ZAN: variants seen among roughly 807,000 people sequenced by gnomAD.
The protein encoded by ZAN is zonadhesin (gene/pseudogene).
A neutral mutation model predicts 286.2 loss-of-function variants in ZAN; 260 were observed. That is an observed-to-expected ratio of 0.91 (90% CI 0.82 to 1.01). The LOEUF is 1.01. Among genes scored for constraint, ZAN ranks in the 50% least tolerant of loss-of-function variants. ZAN has a pLI of 0.00. For missense variants in ZAN, 3,410 were observed against 3,639.2 expected (o/e 0.94, Z 1.62); for synonymous variants, 1,368 against 1,417.5 (o/e 0.97, Z 0.79).
chr7:100,793,886 A>T lies in ZAN; in HGVS notation c.7854A>T (p.Gln2618His). 3.1e-6 allele frequency: 5 copies of T among 1,613,826 alleles called. No individual in the cohort carries two copies. Among genetic ancestry groups the T allele is most frequent in the Non-Finnish European group, 4.2e-6 (5 of 1,179,840 alleles). Residue 2618 changes from glutamine to histidine, a missense_variant, in exon 43 of 48, where the codon CAA (glutamine) becomes CAT (histidine). By Grantham distance (24) the Gln-to-His change is conservative. Coordinates refer to ENST00000613979, the MANE Select transcript of ZAN (RefSeq NM_003386.3). ...ACACCCTGCCCAGCATCCTGTGCCA[A>T]CCTGGCAGACCCCGGGGACTGCGAG... Reference protein sequence around the residue: ...LYDTLPSILCQPGRPRGLRGP... With the variant: ...LYDTLPSILCHPGRPRGLRGP...
At chr7:100,746,799 A>T in intron 8 of ZAN, 97 bp downstream of exon 8, 13 of 1,414,610 alleles carry the variant, frequency 9.2e-6, no homozygotes, top group Non-Finnish European at 1.3e-5. Flanking sequence ...GGGTCTAGGG[A>T]GGTCTGGAAT....
intron 45 of ZAN, among the ~76,000 whole-genome samples, chr7:100,795,904 T>TA (rs200546151): frequency 0.021 from 3,036 of 145,784 alleles, 99 homozygotes; most frequent in African/African-American, 0.07. Flanking sequence ...AGACTCCATC[T>TA]AAAAAAAAAT....
At chr7:100,790,878 C>CT (rs1811893857) in intron 39 of ZAN, 64 bp from the exon 40 acceptor site, 2 of 1,122,998 alleles carry the variant, frequency 1.8e-6, no homozygotes, top group Non-Finnish European at 2.4e-6. Flanking sequence ...GCAAGACTGT[C>CT]TAAAAAAAAA....
intron 44 of ZAN, among the ~76,000 whole-genome samples, 198 bp from the exon 45 acceptor site, chr7:100,794,998 G>C (rs1158057549): frequency 6.6e-6 from 1 of 151,924 alleles, no homozygotes; most frequent in Non-Finnish European, 1.5e-5. Flanking sequence ...AGGAAGAGAT[G>C]AAAGAGTTTC....
At chr7:100,768,111 T>C in intron 26 of ZAN, 100 bp downstream of exon 26, 1 of 1,372,860 alleles carries the variant, frequency 7.3e-7, no homozygotes. Context: ...TCTAAGTACT[T>C]GTCAACTGAC....
intron 11 of ZAN, among the ~76,000 whole-genome samples, chr7:100,749,496 C>T (rs1808470062): frequency 6.6e-6 from 1 of 151,246 alleles, no homozygotes; most frequent in Non-Finnish European, 1.5e-5. Flanking sequence ...AAAAATTAGC[C>T]AGGCATGGTG....
chr7:100,790,916 T>A (rs1242713985), intron 39 of ZAN, 26 bp from the exon 40 acceptor site: 1 of 1,565,028 alleles, frequency 6.4e-7, no homozygotes, highest in Non-Finnish European at 8.6e-7. Flanking sequence ...GGAGTCTCAC[T>A]TCTGGGGACC....
At chr7:100,792,230 AC>A in intron 41 of ZAN, 82 bp downstream of exon 41, 1 of 1,501,050 alleles carries the variant, frequency 6.7e-7, no homozygotes, top group Non-Finnish European at 8.9e-7. Flanking sequence ...CCGCTTCCTG[AC>A]CCAAGCTCTG....
intron 19 of ZAN, among the ~76,000 whole-genome samples, chr7:100,760,980 T>G (rs931535159): frequency 6.6e-6 from 1 of 152,112 alleles, no homozygotes; most frequent in Admixed American, 6.6e-5. Flanking sequence ...CACTGCAACC[T>G]CTGCCTCCCA....
intron 31 of ZAN, 55 bp from the exon 32 acceptor site, chr7:100,775,273 G>C: frequency 1.9e-6 from 3 of 1,582,728 alleles, no homozygotes; most frequent in Non-Finnish European, 2.6e-6. Flanking sequence ...GTTTCCCAGG[G>C]ACCCTGTACC....
rs758563188 is a variant in ZAN, at chr7:100,753,055, A to T, written c.2950A>T (p.Thr984Ser). ...ACTTACCATCCCCACGGAAAAACCCACCATCCCCACAGAAAAACCCACCAT... is the reference window on the plus strand; with the variant it reads ...ACTTACCATCCCCACGGAAAAACCCTCCATCCCCACAGAAAAACCCACCAT... ...EKLTIPTEKP[T>S]IPTEKPTIPT... Residue 984 changes from threonine (T) to serine (S), a missense_variant, in exon 14 of 48, where the codon ACC becomes TCC. By Grantham distance (58) the Thr-to-Ser change is moderately conservative (BLOSUM62 1). This residue lies in a region of ZAN where 1,042 missense variants were observed against 1,058.0 expected (regional missense o/e 0.98). Transcript: ENST00000613979. The T allele has an allele frequency of 1.9e-6, 3 of 1,613,866 alleles. No individual in the cohort carries two copies. The highest frequency in any genetic ancestry group is 1.7e-5 in the Admixed American group (1 of 59,996).
chr7:100,766,975 G>A (rs1810017051), intron 24 of ZAN, 35 bp from the exon 25 acceptor site: 1 of 1,609,388 alleles, frequency 6.2e-7, no homozygotes, highest in Non-Finnish European at 8.5e-7. Flanking sequence ...GGGCATGGAG[G>A]AGTGAGACTG....
At chr7:100,750,541 T>C in intron 11 of ZAN, 84 bp from the exon 12 acceptor site, 3 of 1,493,606 alleles carry the variant, frequency 2.0e-6, no homozygotes, top group Non-Finnish European at 2.7e-6. Context: ...CAGATTCCCG[T>C]TCAGAAAGCA....
chr7:100,737,478 G>C, intron 6 of ZAN, 129 bp downstream of exon 6: 1 of 621,260 alleles, frequency 1.6e-6, no homozygotes, highest in Non-Finnish European at 2.6e-6. Context: ...AGGCCGAGGC[G>C]GGCGGATCAC....
rs985016296 is a variant in ZAN at position 100,737,167 on chromosome 7, TG to T, written c.526-90del. 65 of 1,429,894 alleles carry T rather than the reference TG, an allele frequency of 4.5e-5. 12 individuals carry two copies. The highest frequency in any genetic ancestry group is 6.1e-5 in the Non-Finnish European group (64 of 1,047,730). The allele number at this position is 1,429,894 out of a possible 1,614,324, so 88.6% of individuals were successfully genotyped here. ...GTGGGGGTGTGGCAAAAAGGGATTG[TG>T]GGGGCCAAGCCATCTGAATTCAGGA... is the stretch of plus-strand genomic sequence containing the variant. On this transcript the variant is annotated intron_variant, in intron 5 of 47. Coordinates refer to ENST00000613979, the MANE Select transcript of ZAN (RefSeq NM_003386.3).
At position 100,748,484 on chromosome 7, in the gene ZAN, G is replaced by A. The variant is rs1434443745; in HGVS notation, c.1249+14G>A. ...TCCCTAATGCAGGTGAGGAGATTGA[G>A]GAGCGCTCACGCCAAGAAATCACTC... On this transcript the variant is annotated intron_variant, in intron 11 of 47. Coordinates refer to ENST00000613979, the MANE Select transcript of ZAN (RefSeq NM_003386.3). The A allele has an allele frequency of 6.2e-7, 1 of 1,604,058 alleles. No individual in the cohort carries two copies. Among genetic ancestry groups the A allele is most frequent in the Middle Eastern group, 1.7e-4 (1 of 5,864 alleles).
Position 100,752,537 on chromosome 7 carries a change from C to T in ZAN, c.2432C>T (p.Ser811Phe). 1 of 1,612,476 alleles carries T rather than the reference C, an allele frequency of 6.2e-7. No homozygotes were observed. The highest frequency in any genetic ancestry group is 8.5e-7 in the Non-Finnish European group (1 of 1,179,772). The part of the protein sequence containing the change: ...PTTPTEETTI[S>F]TEKPSIPMEK... ...ACCCCCACTGAGGAGACCACCATCT[C>T]CACAGAAAAACCCAGCATCCCCATG... The change falls in exon 14 of 48, where the codon TCC (serine) becomes TTC (phenylalanine). Residue 811 changes from serine to phenylalanine, a missense_variant. This residue lies in a region of ZAN where 90 missense variants were observed against 87.1 expected (regional missense o/e 1.03). Coordinates refer to ENST00000613979, the MANE Select transcript of ZAN (RefSeq NM_003386.3).
intron 42 of ZAN, among the ~76,000 whole-genome samples, chr7:100,793,001 A>AAAAAAAAAAAAAAAAAAG (rs1812100820): frequency 6.8e-6 from 1 of 146,160 alleles, no homozygotes; most frequent in Non-Finnish European, 1.5e-5. Context: ...AAAAAAAGAA[A>AAAAAAAAAAAAAAAAAAG]GAAAGAAAGA....
chr7:100,793,955 A>G lies in ZAN; in HGVS notation c.7923A>G (p.Leu2641=), dbSNP rs1480251909. The G allele has an allele frequency of 3.1e-6, 5 of 1,613,788 alleles. No homozygotes were observed. Among genetic ancestry groups the G allele is most frequent in the Non-Finnish European group, 3.4e-6 (4 of 1,179,876 alleles). The change falls in exon 43 of 48, where the codon CTA becomes CTG. Residue 2641 remains leucine, a synonymous_variant. Coordinates refer to ENST00000613979, the MANE Select transcript of ZAN (RefSeq NM_003386.3). Reference sequence around the variant, plus strand: ...TGCGCCAGCATCCCAGGCTATGCCTACAGTGGCACCCAGAGCCTCCCCTGG... The same window carrying G: ...TGCGCCAGCATCCCAGGCTATGCCTGCAGTGGCACCCAGAGCCTCCCCTGG... ...GRLRQHPRLC[L]QWHPEPPLAD...
Sources: gnomAD v4.1 joint callset for allele counts (sites outside exome capture counted in the v4.1 genomes callset) on GRCh38, gnomAD v4.1.1 for gene constraint, gnomAD v4.1.1 regional missense constraint, MANE v1.5 for transcripts, NCBI Gene and HGNC (gene_info 2026-07-23, HGNC 2026-07-21) for gene names.